ALPK2: variants seen among roughly 807,000 people sequenced by gnomAD.
ALPK2 encodes the protein alpha kinase 2.
A neutral mutation model predicts 163.1 loss-of-function variants in ALPK2; 127 were observed. The ratio of observed to expected loss-of-function variants is 0.78; its 90% CI spans 0.67 to 0.90. The LOEUF is 0.90. Among genes scored for constraint, ALPK2 ranks in the 40% least tolerant of loss-of-function variants. The pLI, the probability that ALPK2 is intolerant of heterozygous loss-of-function variation, is 0.00. For synonymous variants in ALPK2, 953 were observed against 959.1 expected, an observed-to-expected ratio of 0.99 and a Z score of 0.12; for missense variants, 2,360 against 2,589.6, an observed-to-expected ratio of 0.91 and a Z score of 1.92.
In ALPK2 at chr18:58,601,257, A is replaced by T. The variant is rs545889151; in HGVS notation, c.227+6065T>A. On this transcript the variant is annotated intron_variant, in intron 3 of 12. Coordinates refer to ENST00000361673, the MANE Select transcript of ALPK2 (RefSeq NM_052947.4). ...GGCAACAGTGCAAGACTCCATCTCA[A>T]AAAAAAAAGGATAAAAAAATTATAG... Among the ~76,000 whole-genome samples the T allele has an allele frequency of 6.0e-5, 9 of 151,188 alleles. No homozygotes were observed. In the South Asian group the frequency reaches 1.0e-3, roughly 18 times the overall value.
At chr18:58,538,328 G>T in intron 4 of ALPK2, 104 bp from the exon 5 acceptor site, 1 of 1,015,188 alleles carries the variant, frequency 9.9e-7, no homozygotes, top group Non-Finnish European at 1.4e-6. Flanking sequence ...CCGTAATAAT[G>T]GACAAGAATG....
chr18:58,579,297 C>G lies in ALPK2; in HGVS notation c.1479G>C (p.Glu493Asp). 1.4e-5 allele frequency: 22 copies of G among 1,614,214 alleles called. No individual in the cohort carries two copies. The highest frequency in any genetic ancestry group is 1.8e-5 in the Non-Finnish European group (21 of 1,180,038). ...CACCAGACAAGAGCTTCATCTCTGT[C>G]TCTCTTACTGATTCATCCATGTTGA... Reference protein sequence around the residue: ...NLLNMDESVRETEMKLLSGES... With the variant: ...NLLNMDESVRDTEMKLLSGES... The change falls in exon 4 of 13, where the codon GAG (glutamate) becomes GAC (aspartate). Residue 493 changes from glutamate to aspartate, a missense_variant. Transcript: ENST00000361673.
chr18:58,617,962 T>A (rs895273266), intron 1 of ALPK2, among the ~76,000 whole-genome samples: 1 of 152,248 alleles, frequency 6.6e-6, no homozygotes, highest in Non-Finnish European at 1.5e-5. Context: ...TAGTACATGC[T>A]TCCTTAGACA....
chr18:58,516,893 G>A lies in ALPK2; in HGVS notation c.5940+15C>T. On this transcript the variant is annotated intron_variant, in intron 9 of 12. Transcript: ENST00000361673. ...CTCACACCAGAAGTGACAGCCTTTG[G>A]GCAGATGGACCCACCTGGGCAGCGA... 1 of 1,609,320 alleles carries A rather than the reference G, an allele frequency of 6.2e-7. No individual in the cohort carries two copies. The highest frequency in any genetic ancestry group is 8.5e-7 in the Non-Finnish European group (1 of 1,176,214).
In ALPK2 at chr18:58,536,154, G is replaced by A. The variant is rs764623366; in HGVS notation, c.4033C>T (p.Pro1345Ser). 4.3e-6 allele frequency: 7 copies of A among 1,613,916 alleles called. No individual in the cohort carries two copies. In the African/African-American group the frequency reaches 9.3e-5, roughly 22 times the overall value. The change falls in exon 5 of 13, where the codon CCT (proline) becomes TCT (serine). Residue 1345 changes from proline to serine, a missense_variant. Coordinates refer to ENST00000361673, the MANE Select transcript of ALPK2 (RefSeq NM_052947.4). Reference sequence around the variant, plus strand: ...ACAGATAACTCCTTTTCATCTACAGGGTCCACGGATGACTCCAGGAGTCTG... The same window carrying A: ...ACAGATAACTCCTTTTCATCTACAGAGTCCACGGATGACTCCAGGAGTCTG... ...QPRLLESSVD[P>S]VDEKELSVTD...
At chr18:58,488,913 C>T (rs766982028) in intron 12 of ALPK2, among the ~76,000 whole-genome samples, 6 of 152,158 alleles carry the variant, frequency 3.9e-5, no homozygotes, top group Non-Finnish European at 8.8e-5. Flanking sequence ...CGGAGTGCCA[C>T]TCATACCCTT....
At chr18:58,605,331 A>C (rs549723740) in intron 3 of ALPK2, among the ~76,000 whole-genome samples, 14 of 152,362 alleles carry the variant, frequency 9.2e-5, no homozygotes, top group African/African-American at 3.1e-4. Flanking sequence ...AATACTTACT[A>C]TCTGGCCCCT....
chr18:58,601,252 T>G (rs1030049692), intron 3 of ALPK2, among the ~76,000 whole-genome samples: 3 of 150,994 alleles, frequency 2.0e-5, no homozygotes, highest in African/African-American at 7.3e-5. Flanking sequence ...CAAGACTCCA[T>G]CTCAAAAAAA....
At chr18:58,581,021 CT>C (rs1345220788) in intron 3 of ALPK2, 2 of 151,972 alleles carry the variant, frequency 1.3e-5, no homozygotes, top group African/African-American at 2.4e-5. Context: ...AGCAGCCATT[CT>C]TTTATTCCTT....
chr18:58,538,103 C>G lies in ALPK2; in HGVS notation c.2084G>C (p.Gly695Ala), dbSNP rs1446032318. The G allele has an allele frequency of 6.2e-7, 1 of 1,614,064 alleles. No homozygotes were observed. The highest frequency in any genetic ancestry group is 8.5e-7 in the Non-Finnish European group (1 of 1,180,044). The change falls in exon 5 of 13, where the codon GGA becomes GCA. Residue 695 changes from glycine to alanine, a missense_variant. By Grantham distance (60) the Gly-to-Ala change is moderately conservative. Coordinates refer to ENST00000361673, the MANE Select transcript of ALPK2 (RefSeq NM_052947.4). ...TGATGCATTTTCCTTGTGGACCCCT[C>G]CTAAGTTTGAGAAGGAAATTGTTGT... ...GTTTISFSNL[G>A]GVHKENASLA... is the part of the protein sequence containing the mutation.
intron 10 of ALPK2, among the ~76,000 whole-genome samples, chr18:58,504,977 C>T (rs1477813927): frequency 6.6e-6 from 1 of 152,022 alleles, no homozygotes; most frequent in African/African-American, 2.4e-5. Flanking sequence ...GGGAGATTGG[C>T]AGAGGTTGGG....
intron 3 of ALPK2, among the ~76,000 whole-genome samples, chr18:58,591,911 T>C (rs1443267270): frequency 6.6e-6 from 1 of 152,166 alleles, no homozygotes; most frequent in Non-Finnish European, 1.5e-5. Flanking sequence ...TCAGGAGATA[T>C]GGTCACCTGC....
In ALPK2 at chr18:58,500,704, C is replaced by T. The variant is rs553999837; in HGVS notation, c.6248-2607G>A. Among the ~76,000 whole-genome samples, 4 of 151,810 alleles carry T rather than the reference C, an allele frequency of 2.6e-5. No individual in the cohort carries two copies. In the South Asian group the frequency reaches 8.3e-4, roughly 32 times the overall value. ...CTTTGGGAGGCCCAGGCAGGTGGAT[C>T]GCTTGAGGTCAGGAGTTCAGACCAG... On this transcript the variant is annotated intron_variant, in intron 11 of 12. Transcript: ENST00000361673.
At chr18:58,490,902 G>A (rs1568064520) in intron 12 of ALPK2, among the ~76,000 whole-genome samples, 2 of 152,150 alleles carry the variant, frequency 1.3e-5, no homozygotes. Context: ...TTTTGAGGTC[G>A]CATGAGTCCC....
At chr18:58,492,926 G>T (rs1325617466) in intron 12 of ALPK2, among the ~76,000 whole-genome samples, 1 of 152,186 alleles carries the variant, frequency 6.6e-6, no homozygotes, top group Non-Finnish European at 1.5e-5. Flanking sequence ...CACTGCTATA[G>T]TAGGGTCTGC....
intron 4 of ALPK2, among the ~76,000 whole-genome samples, chr18:58,561,842 A>C (rs2051827110): frequency 6.6e-6 from 1 of 152,126 alleles, no homozygotes; most frequent in Non-Finnish European, 1.5e-5. Flanking sequence ...GGTGGTGGAA[A>C]CTTCACCTGC....
At chr18:58,604,387 T>G (rs979169474) in intron 3 of ALPK2, among the ~76,000 whole-genome samples, 1 of 152,222 alleles carries the variant, frequency 6.6e-6, no homozygotes, top group African/African-American at 2.4e-5. Flanking sequence ...CATATTGGTA[T>G]AAGTCAAATC....
intron 3 of ALPK2, among the ~76,000 whole-genome samples, chr18:58,602,154 C>T (rs975896153): frequency 1.3e-5 from 2 of 152,214 alleles, no homozygotes; most frequent in African/African-American, 2.4e-5. Flanking sequence ...GTTTTTGCCC[C>T]TTTGTCCCTA....
intron 10 of ALPK2, among the ~76,000 whole-genome samples, chr18:58,509,844 C>G (rs1193721597): frequency 6.6e-6 from 1 of 151,342 alleles, no homozygotes; most frequent in Non-Finnish European, 1.5e-5. Flanking sequence ...TGCCTGTTCA[C>G]TCTGATGGTA....
Sources: gnomAD v4.1 joint callset for allele counts (sites outside exome capture counted in the v4.1 genomes callset) on GRCh38, gnomAD v4.1.1 for gene constraint, MANE v1.5 for transcripts, NCBI Gene and HGNC (gene_info 2026-07-23, HGNC 2026-07-21) for gene names.